CBLB: variants seen among roughly 807,000 people sequenced by gnomAD.
The protein encoded by CBLB is Cbl proto-oncogene B, also known as E3 ubiquitin-protein ligase CBL-B.
In CBLB, 31 loss-of-function variants were observed where a neutral mutation model predicts 104.9. The observed-to-expected ratio is 0.30, with a 90% CI of 0.22 to 0.40. The LOEUF (loss-of-function observed/expected upper bound fraction) is 0.40. Ranked by LOEUF, CBLB falls within the 10% of genes least tolerant of loss-of-function variation. The pLI is 1.00. For missense variants in CBLB, 1,062 were observed against 1,214.6 expected (o/e 0.87, Z 1.87); for synonymous variants, 440 against 422.6 (o/e 1.04, Z -0.51).
intron 4 of CBLB, among the ~76,000 whole-genome samples, chr3:105,765,794 T>A (rs904346571): frequency 1.3e-5 from 2 of 152,170 alleles, no homozygotes; most frequent in African/African-American, 4.8e-5. Flanking sequence ...CCCAAAAGAT[T>A]TGATGGAGAT....
intron 3 of CBLB, among the ~76,000 whole-genome samples, chr3:105,839,668 T>C (rs919464983): frequency 2.6e-5 from 4 of 152,240 alleles, no homozygotes; most frequent in Admixed American, 1.3e-4. Flanking sequence ...ACCTCTGCCA[T>C]TGTAGCCACA....
chr3:105,776,228 C>T (rs1327863165), intron 4 of CBLB, among the ~76,000 whole-genome samples, 168 bp downstream of exon 4: 2 of 147,174 alleles, frequency 1.4e-5, no homozygotes, highest in African/African-American at 5.0e-5. Flanking sequence ...ATTATTGAGG[C>T]ATACCTTTGG....
In CBLB at chr3:105,656,040, T is replaced by G. The variant is rs1177052124; in HGVS notation, c.*2930A>C. ...GAAACAGAGAGGGAAGAGCTGAAGGTTGTATTTGTGGAAGGAAATTCAAGT... is the reference window on the plus strand; with the variant it reads ...GAAACAGAGAGGGAAGAGCTGAAGGGTGTATTTGTGGAAGGAAATTCAAGT... On this transcript the variant is annotated 3_prime_UTR_variant, in exon 19 of 19. Coordinates refer to ENST00000394030, the MANE Select transcript of CBLB (RefSeq NM_170662.5). 6.6e-5 allele frequency: 15 copies of G among 227,192 alleles called. No individual in the cohort carries two copies. In the South Asian group the frequency reaches 1.5e-3, roughly 22 times the overall value. The allele number at this position is 227,192 out of a possible 1,614,324, so 14.1% of individuals were successfully genotyped here. A position where few individuals can be genotyped will look rare whatever the true frequency, so the allele number is the denominator to read the frequency against.
chr3:105,778,929 G>A (rs545836319), intron 3 of CBLB, among the ~76,000 whole-genome samples: 1 of 152,018 alleles, frequency 6.6e-6, no homozygotes, highest in Admixed American at 6.5e-5. Context: ...AACTACAACC[G>A]ACTTTAAAGA....
chr3:105,665,393 AT>A (rs775490028), intron 18 of CBLB, among the ~76,000 whole-genome samples: 3,120 of 119,066 alleles, frequency 0.026, 90 homozygotes, highest in East Asian at 0.13. Context: ...CTCCAAAAAA[AT>A]AAATAAATAA....
At chr3:105,793,383 G>C (rs1306746224) in intron 3 of CBLB, among the ~76,000 whole-genome samples, 1 of 151,772 alleles carries the variant, frequency 6.6e-6, no homozygotes, top group Non-Finnish European at 1.5e-5. Flanking sequence ...GAAAAGCTGG[G>C]ATGCAGGAAG....
At chr3:105,859,155 C>T (rs1382586590) in intron 2 of CBLB, among the ~76,000 whole-genome samples, 1 of 152,188 alleles carries the variant, frequency 6.6e-6, no homozygotes, top group African/African-American at 2.4e-5. Context: ...TCAGATAGTA[C>T]ATTCCTTGCA....
At chr3:105,689,651 TC>T (rs150594444) in intron 13 of CBLB, among the ~76,000 whole-genome samples, 26,689 of 151,322 alleles carry the variant, frequency 0.18, 3,027 homozygotes, top group Non-Finnish European at 0.26. Flanking sequence ...CCTTAACTAT[TC>T]AGAGTATCAT....
chr3:105,743,255 C>G (rs887730263), intron 6 of CBLB, among the ~76,000 whole-genome samples: 1 of 151,694 alleles, frequency 6.6e-6, no homozygotes, highest in East Asian at 1.9e-4. Flanking sequence ...GCCAGGAGTT[C>G]GAGGCCACCA....
chr3:105,849,174 A>G (rs1456121393), intron 3 of CBLB, among the ~76,000 whole-genome samples: 1 of 152,176 alleles, frequency 6.6e-6, no homozygotes, highest in Non-Finnish European at 1.5e-5. Context: ...GTGTCCAAAT[A>G]TATTACTAGA....
chr3:105,806,110 A>T lies in CBLB; in HGVS notation c.420-29568T>A, dbSNP rs77949154. On this transcript the variant is annotated intron_variant, in intron 3 of 18. Coordinates refer to ENST00000394030, the MANE Select transcript of CBLB (RefSeq NM_170662.5). ...AAATTGATTCTGGGTTTAAAAACTC[A>T]GAAATTCAGTGGGATTTTTAATTCT... Among the ~76,000 whole-genome samples, 971 of 152,280 alleles carry T rather than the reference A, an allele frequency of 6.4e-3. 29 individuals carry two copies. Among genetic ancestry groups the T allele is most frequent in the East Asian group, 0.052 (269 of 5,174 alleles).
At chr3:105,694,275 T>C (rs569577140) in intron 12 of CBLB, among the ~76,000 whole-genome samples, 2 of 151,966 alleles carry the variant, frequency 1.3e-5, no homozygotes, top group Non-Finnish European at 2.9e-5. Context: ...TAGATTTCTG[T>C]TACACTACAG....
intron 3 of CBLB, among the ~76,000 whole-genome samples, chr3:105,841,165 G>A (rs921592792): frequency 4.0e-5 from 6 of 151,766 alleles, no homozygotes; most frequent in East Asian, 4.0e-4. Flanking sequence ...GCATGGTGAC[G>A]TGCATCTGTA....
intron 4 of CBLB, among the ~76,000 whole-genome samples, chr3:105,772,610 C>G (rs2078992611): frequency 6.6e-6 from 1 of 152,160 alleles, no homozygotes; most frequent in South Asian, 2.1e-4. Flanking sequence ...TACTTGCAAA[C>G]TATGCTTCTG....
At chr3:105,678,773 TATACATAC>T (rs946067154) in intron 16 of CBLB, among the ~76,000 whole-genome samples, 7 of 152,148 alleles carry the variant, frequency 4.6e-5, no homozygotes, top group Non-Finnish European at 8.8e-5. Flanking sequence ...CATGCACACA[TATACATAC>T]ATACATACGT....
At chr3:105,671,911 GAA>G (rs1294896247) in intron 17 of CBLB, 1 of 192,900 alleles carries the variant, frequency 5.2e-6, no homozygotes, top group Non-Finnish European at 1.1e-5. Context: ...GAAGGAATGA[GAA>G]GATAAATCGC....
chr3:105,862,288 T>C (rs1314113190), intron 2 of CBLB, among the ~76,000 whole-genome samples: 1 of 152,226 alleles, frequency 6.6e-6, no homozygotes, highest in Non-Finnish European at 1.5e-5. Flanking sequence ...TTCACTCTGG[T>C]ACACTGAACT....
intron 3 of CBLB, among the ~76,000 whole-genome samples, chr3:105,800,961 A>ATTTT (rs1468362287): frequency 5.4e-4 from 82 of 152,324 alleles, no homozygotes; most frequent in African/African-American, 1.9e-3. Context: ...ATGTCATGTG[A>ATTTT]AAGTAAGAGG....
intron 10 of CBLB, among the ~76,000 whole-genome samples, chr3:105,719,096 C>T (rs1274541096): frequency 6.6e-6 from 1 of 152,152 alleles, no homozygotes; most frequent in African/African-American, 2.4e-5. Flanking sequence ...GGTAAATTCA[C>T]AAAAGTAAAT....
Sources: gnomAD v4.1 joint callset for allele counts (sites outside exome capture counted in the v4.1 genomes callset) on GRCh38, gnomAD v4.1.1 for gene constraint, MANE v1.5 for transcripts, NCBI Gene and HGNC (gene_info 2026-07-23, HGNC 2026-07-21) for gene names.